Variants in GFI1B observed in about 807,000 individuals in gnomAD.
GFI1B encodes zinc finger protein Gfi-1b.
In GFI1B, 20 loss-of-function variants were observed where a neutral mutation model predicts 35.3. That is an observed-to-expected ratio of 0.57 (90% CI 0.40 to 0.82). The LOEUF (loss-of-function observed/expected upper bound fraction) is 0.82, where lower values mean the gene tolerates loss of function less well. GFI1B is among the 40% of genes least tolerant of loss of function. GFI1B has a pLI of 0.00. For synonymous variants in GFI1B, 178 were observed against 177.6 expected (o/e 1.00, Z -0.02); for missense variants, 430 against 446.3 (o/e 0.96, Z 0.33).
At position 132,991,228 on chromosome 9, in the gene GFI1B, G is replaced by C. The variant is rs993858725; in HGVS notation, c.*178G>C. 3 of 631,426 alleles carry C rather than the reference G, an allele frequency of 4.8e-6. No individual in the cohort carries two copies. In the African/African-American group the frequency reaches 5.5e-5, roughly 12 times the overall value. 39.1% of individuals were successfully genotyped at this position (631,426 alleles called of 1,614,324 possible). On this transcript the variant is annotated 3_prime_UTR_variant, in exon 7 of 7. Transcript: ENST00000372122. ...TTGGGCAAGTCACTTACCCTGTCTG[G>C]ATCAACATTTCTCCTGCTGCCAAGT...
At position 132,978,838 on chromosome 9, in the gene GFI1B, A is replaced by G. The variant is rs1848709747; in HGVS notation, c.-24A>G. Reference sequence around the variant, plus strand: ...GAACCCAGGCGAGGGACAGCTCCGGACAGGTGAGTGCTGGAGGATGCGTTT... The same window carrying G: ...GAACCCAGGCGAGGGACAGCTCCGGGCAGGTGAGTGCTGGAGGATGCGTTT... On this transcript the variant is annotated 5_prime_UTR_variant, in exon 1 of 7. Coordinates refer to ENST00000372122, the MANE Select transcript of GFI1B (RefSeq NM_001377304.1). The G allele has an allele frequency of 6.6e-6, 1 of 152,316 alleles. No homozygotes were observed. The highest frequency in any genetic ancestry group is 1.5e-5 in the Non-Finnish European group (1 of 68,100). 9.4% of individuals were successfully genotyped at this position (152,316 alleles called of 1,614,324 possible). A position where few individuals can be genotyped will look rare whatever the true frequency, so the allele number is the denominator to read the frequency against.
At chr9:132,969,939 G>A (rs541241586) in intron 1 of GFI1B, among the ~76,000 whole-genome samples, 5 of 152,278 alleles carry the variant, frequency 3.3e-5, no homozygotes, top group African/African-American at 1.2e-4. Context: ...TCCGAAGGCG[G>A]CCGGTACATG....
chr9:132,992,160 G>C (rs1849315825), downstream of GFI1B, among the ~76,000 whole-genome samples: 1 of 152,008 alleles, frequency 6.6e-6, no homozygotes, highest in Non-Finnish European at 1.5e-5. Flanking sequence ...CCCTTCCTCT[G>C]CCTTCAAAGC....
upstream of GFI1B, among the ~76,000 whole-genome samples, chr9:132,974,776 A>G (rs1564529006): frequency 6.7e-6 from 1 of 149,714 alleles, no homozygotes; most frequent in Non-Finnish European, 1.5e-5. Context: ...TAAGACCTGG[A>G]TGACAAGAAG....
chr9:132,992,844 G>T (rs576275630), downstream of GFI1B, among the ~76,000 whole-genome samples: 2 of 152,216 alleles, frequency 1.3e-5, no homozygotes, highest in African/African-American at 4.8e-5. Flanking sequence ...CCTGTGCCTG[G>T]CCCACAGCCA....
chr9:132,965,312 T>C (rs1368110382), intron 1 of GFI1B, among the ~76,000 whole-genome samples: 1 of 152,172 alleles, frequency 6.6e-6, no homozygotes, highest in Admixed American at 6.5e-5. Context: ...TGGGTCACCT[T>C]CTTGTGTTAG....
downstream of GFI1B, among the ~76,000 whole-genome samples, chr9:132,991,840 T>C (rs1385173136): frequency 1.3e-5 from 2 of 151,994 alleles, no homozygotes; most frequent in Non-Finnish European, 2.9e-5. Context: ...AGCCCCCACG[T>C]GCACAGACCC....
At chr9:132,956,300 A>G (rs1021567949) in intron 1 of GFI1B, among the ~76,000 whole-genome samples, 4 of 150,062 alleles carry the variant, frequency 2.7e-5, no homozygotes, top group Admixed American at 6.6e-5. Flanking sequence ...TCCTTTTGTT[A>G]TTATTTTTTT....
chr9:132,954,780 G>T (rs369625785), intron 1 of GFI1B, among the ~76,000 whole-genome samples: 1 of 150,962 alleles, frequency 6.6e-6, no homozygotes. Flanking sequence ...GTACAGTGGC[G>T]CAATCTCGAC....
chr9:132,955,940 CA>C (rs746891509), intron 1 of GFI1B, among the ~76,000 whole-genome samples: 29 of 152,170 alleles, frequency 1.9e-4, no homozygotes, highest in Admixed American at 3.9e-4. Context: ...AGTCCAAGTC[CA>C]AAGGCTGTCT....
intron 2 of GFI1B, among the ~76,000 whole-genome samples, 197 bp downstream of exon 2, chr9:132,986,975 C>T (rs773166743): frequency 2.0e-5 from 3 of 152,194 alleles, no homozygotes; most frequent in Non-Finnish European, 4.4e-5. Flanking sequence ...GTTAGGGAGA[C>T]GAGAGTGTCA....
chr9:132,973,057 G>C (rs1264699660), intron 2 of GFI1B, among the ~76,000 whole-genome samples: 2 of 152,252 alleles, frequency 1.3e-5, no homozygotes, highest in African/African-American at 4.8e-5. Flanking sequence ...GATGTACATA[G>C]AGCAGACGAG....
At chr9:132,984,656 T>G (rs779369977) in intron 1 of GFI1B, among the ~76,000 whole-genome samples, 3 of 152,146 alleles carry the variant, frequency 2.0e-5, no homozygotes, top group Non-Finnish European at 4.4e-5. Context: ...ATAAAGGTCC[T>G]TTCTCGCTCC....
At chr9:132,973,826 C>T (rs1848575066), upstream of GFI1B, among the ~76,000 whole-genome samples, 1 of 152,154 alleles carries the variant, frequency 6.6e-6, no homozygotes, top group South Asian at 2.1e-4. Flanking sequence ...TGTTCCTGCT[C>T]AAACCCACCT....
At chr9:132,964,734 T>G (rs970353649) in intron 1 of GFI1B, among the ~76,000 whole-genome samples, 7 of 145,604 alleles carry the variant, frequency 4.8e-5, no homozygotes, top group Non-Finnish European at 8.9e-5. Flanking sequence ...CTCAAAACAA[T>G]TTTTCTTCCT....
intron 1 of GFI1B, among the ~76,000 whole-genome samples, chr9:132,949,302 C>T (rs933376814): frequency 2.1e-5 from 3 of 142,154 alleles, no homozygotes; most frequent in Non-Finnish European, 3.1e-5. Context: ...CACACACACA[C>T]ACATCAAGCC....
At chr9:132,955,800 G>GCA (rs1461933538) in intron 1 of GFI1B, among the ~76,000 whole-genome samples, 80 of 127,194 alleles carry the variant, frequency 6.3e-4, no homozygotes, top group African/African-American at 2.0e-3. Context: ...ATGTGTGTGT[G>GCA]TGTGTGCATG....
intron 1 of GFI1B, among the ~76,000 whole-genome samples, chr9:132,954,153 G>A (rs763505328): frequency 2.0e-5 from 3 of 151,992 alleles, no homozygotes; most frequent in Non-Finnish European, 4.4e-5. Context: ...GCAGTGGTGC[G>A]ATCTCAGCCC....
At chr9:132,960,812 T>C (rs1173678089) in intron 1 of GFI1B, among the ~76,000 whole-genome samples, 1 of 151,884 alleles carries the variant, frequency 6.6e-6, no homozygotes, top group Non-Finnish European at 1.5e-5. Context: ...CAATTAAAAT[T>C]TAAAATTCTG....
Sources: allele counts gnomAD v4.1 joint callset (sites outside exome capture counted in the v4.1 genomes callset), GRCh38; gene constraint gnomAD v4.1.1; transcripts MANE v1.5; gene names NCBI Gene and HGNC (gene_info 2026-07-23, HGNC 2026-07-21).